Variants in DRC11 observed in about 807,000 individuals in gnomAD.
The protein encoded by DRC11 is dynein regulatory complex subunit 11, also known as IQ and AAA domain-containing protein 1.
the DRC11 span, among the ~76,000 whole-genome samples, chr2:236,401,976 G>T: frequency 2.0e-5 from 3 of 152,294 alleles, no homozygotes; most frequent in Middle Eastern, 3.4e-3. This position sits in a 1 kb window ranked among gnomAD's most constrained non-coding sequence, Gnocchi z 4.6. Context: ...AAACCATAGT[G>T]GATACACTGG....
At chr2:236,470,424 G>A in the DRC11 span, among the ~76,000 whole-genome samples, 4 of 152,140 alleles carry the variant, frequency 2.6e-5, no homozygotes, top group African/African-American at 7.2e-5. This position sits in a 1 kb window ranked among gnomAD's most constrained non-coding sequence, Gnocchi z 5.1. Flanking sequence ...TGAGCACCAC[G>A]GCCCCCCTGG....
chr2:236,425,616 T>C, the DRC11 span, among the ~76,000 whole-genome samples: 2 of 152,072 alleles, frequency 1.3e-5, no homozygotes, highest in Admixed American at 6.5e-5. Flanking sequence ...GTTTCCTTGC[T>C]GTGCAGAAGT....
At chr2:236,374,835 C>T in the DRC11 span, among the ~76,000 whole-genome samples, 418 of 150,404 alleles carry the variant, frequency 2.8e-3, 2 homozygotes, top group African/African-American at 9.5e-3. Flanking sequence ...GGATTACAGG[C>T]GCGTGCCACC....
the DRC11 span, among the ~76,000 whole-genome samples, chr2:236,485,222 T>C: frequency 6.6e-6 from 1 of 152,040 alleles, no homozygotes; most frequent in Non-Finnish European, 1.5e-5. Flanking sequence ...ACTGTGTATA[T>C]GACTACATAT....
chr2:236,464,419 C>T, the DRC11 span, among the ~76,000 whole-genome samples: 1 of 152,108 alleles, frequency 6.6e-6, no homozygotes, highest in Non-Finnish European at 1.5e-5. Context: ...TAACAATCTG[C>T]CCTCTTTTCT....
the DRC11 span, among the ~76,000 whole-genome samples, chr2:236,351,345 C>T: frequency 1.6e-4 from 24 of 152,120 alleles, no homozygotes; most frequent in South Asian, 2.9e-3. This position sits in a 1 kb window ranked among gnomAD's most constrained non-coding sequence, Gnocchi z 7.3. Context: ...GAACGGAGAC[C>T]GCAGACAGTG....
chr2:236,477,160 G>C, the DRC11 span, among the ~76,000 whole-genome samples: 2 of 152,016 alleles, frequency 1.3e-5, no homozygotes, highest in Non-Finnish European at 2.9e-5. Flanking sequence ...TGGGGGTTAG[G>C]AGTGCTGGTG....
the DRC11 span, chr2:236,392,166 C>A: frequency 1.3e-6 from 2 of 1,485,510 alleles, no homozygotes; most frequent in South Asian, 2.3e-5. This position sits in a 1 kb window ranked among gnomAD's most constrained non-coding sequence, Gnocchi z 5.1. Flanking sequence ...TGGGGTAGGT[C>A]ATTAGTAGGA....
the DRC11 span, among the ~76,000 whole-genome samples, chr2:236,486,439 T>A: frequency 6.6e-6 from 1 of 151,702 alleles, no homozygotes; most frequent in East Asian, 1.9e-4. The surrounding 1 kb of genome is among the most constrained non-coding windows in gnomAD (Gnocchi z 5.7). Context: ...ATCCACCTAA[T>A]CCACCTTTCC....
At chr2:236,499,857 C>T in the DRC11 span, among the ~76,000 whole-genome samples, 2 of 152,132 alleles carry the variant, frequency 1.3e-5, no homozygotes, top group Non-Finnish European at 2.9e-5. This position sits in a 1 kb window ranked among gnomAD's most constrained non-coding sequence, Gnocchi z 4.7. Flanking sequence ...CATGGTTAAC[C>T]ACCCTGTTTG....
chr2:236,434,398 C>T, the DRC11 span, among the ~76,000 whole-genome samples: 2 of 152,288 alleles, frequency 1.3e-5, no homozygotes, highest in African/African-American at 4.8e-5. The surrounding 1 kb of genome is among the most constrained non-coding windows in gnomAD (Gnocchi z 5.5). Context: ...CTACTGTCAA[C>T]GTTAGTAACA....
chr2:236,459,543 A>ACG, the DRC11 span, among the ~76,000 whole-genome samples: 1 of 99,094 alleles, frequency 1.0e-5, no homozygotes, highest in Non-Finnish European at 2.2e-5. Flanking sequence ...ACGTATACGT[A>ACG]TACGTATACA....
At chr2:236,317,831 C>T in the DRC11 span, among the ~76,000 whole-genome samples, 3 of 152,192 alleles carry the variant, frequency 2.0e-5, no homozygotes, top group Non-Finnish European at 4.4e-5. This position sits in a 1 kb window ranked among gnomAD's most constrained non-coding sequence, Gnocchi z 5.4. Context: ...ATGTGGAGTG[C>T]CTCTATCTGA....
chr2:236,345,942 G>A, the DRC11 span, among the ~76,000 whole-genome samples: 1 of 152,220 alleles, frequency 6.6e-6, no homozygotes, highest in East Asian at 1.9e-4. Flanking sequence ...CTGTCATTAT[G>A]TACGAAGTGG....
chr2:236,446,527 G>A, the DRC11 span, among the ~76,000 whole-genome samples: 5 of 152,162 alleles, frequency 3.3e-5, no homozygotes, highest in African/African-American at 7.2e-5. This position sits in a 1 kb window ranked among gnomAD's most constrained non-coding sequence, Gnocchi z 6.2. Context: ...CCTCTGAGCC[G>A]CCCTCTTGCC....
the DRC11 span, among the ~76,000 whole-genome samples, chr2:236,378,951 C>T: frequency 6.6e-6 from 1 of 152,128 alleles, no homozygotes; most frequent in Non-Finnish European, 1.5e-5. Flanking sequence ...AAACCTGCAG[C>T]CCCTCCCCCT....
At chr2:236,474,278 T>C in the DRC11 span, among the ~76,000 whole-genome samples, 1 of 152,174 alleles carries the variant, frequency 6.6e-6, no homozygotes, top group African/African-American at 2.4e-5. Flanking sequence ...CTTTATACTA[T>C]TCAAACTGTA....
At chr2:236,384,593 T>C in the DRC11 span, among the ~76,000 whole-genome samples, 1 of 152,196 alleles carries the variant, frequency 6.6e-6, no homozygotes, top group Non-Finnish European at 1.5e-5. Context: ...GCGAAAATTT[T>C]CTCCCATTTC....
chr2:236,489,333 C>T, the DRC11 span, among the ~76,000 whole-genome samples: 1 of 130,176 alleles, frequency 7.7e-6, no homozygotes, highest in African/African-American at 3.0e-5. Flanking sequence ...TGGGTGCATG[C>T]TGGGGCCTGT....
Sources: gnomAD v4.1 joint callset for allele counts (sites outside exome capture counted in the v4.1 genomes callset) on GRCh38, gnomAD v4.1.1 for gene constraint, Gnocchi (gnomAD v3.1) non-coding constraint, MANE v1.5 for transcripts, NCBI Gene and HGNC (gene_info 2026-07-23, HGNC 2026-07-21) for gene names.